ERF: variants seen among roughly 807,000 people sequenced by gnomAD.
The protein encoded by ERF is ETS2 repressor factor, also known as ETS domain-containing transcription factor ERF.
ERF carries 10 observed loss-of-function variants against 41.6 expected under a neutral mutation model. The ratio of observed to expected loss-of-function variants is 0.24; its 90% CI spans 0.15 to 0.41. The LOEUF is 0.41. ERF is among the 10% of genes least tolerant of loss of function. ERF has a pLI of 1.00. For synonymous variants in ERF, 395 were observed against 342.4 expected, an observed-to-expected ratio of 1.15 and a Z score of -1.70; for missense variants, 621 against 763.2, an observed-to-expected ratio of 0.81 and a Z score of 2.19.
chr19:42,251,924 A>C (rs1280650951), intron 1 of ERF, among the ~76,000 whole-genome samples: 2 of 151,950 alleles, frequency 1.3e-5, no homozygotes, highest in African/African-American at 4.8e-5. Context: ...CCATTCAGAT[A>C]TATCCCAGCC....
At position 42,250,322 on chromosome 19, in the gene ERF, C is replaced by T. The variant is rs776587540; in HGVS notation, c.257+9G>A. The T allele has an allele frequency of 1.1e-5, 18 of 1,612,932 alleles. No homozygotes were observed. Among genetic ancestry groups the T allele is most frequent in the Non-Finnish European group, 1.4e-5 (17 of 1,179,398 alleles). On this transcript the variant is annotated intron_variant, in intron 2 of 3. Coordinates refer to ENST00000222329, the MANE Select transcript of ERF (RefSeq NM_006494.4). This position sits in a 1 kb window ranked among gnomAD's most constrained non-coding sequence, Gnocchi z 5.1. ...CACATGTGCTCAGGGGTCCCCAGCC[C>T]GTCCTCACCGCAGGGCCCGGCTCAG... is the stretch of plus-strand genomic sequence containing the variant.
In ERF at chr19:42,250,740, G is replaced by T. The variant is rs958130400; in HGVS notation, c.23-175C>A. ...TGCGTGTCTGTCTGTCTGCATGTGA[G>T]GGGCTAGACAGGAGCTGGGGGGGAG... is the stretch of plus-strand genomic sequence containing the variant. On this transcript the variant is annotated intron_variant, in intron 1 of 3. Coordinates refer to ENST00000222329, the MANE Select transcript of ERF (RefSeq NM_006494.4). The surrounding 1 kb of genome is among the most constrained non-coding windows in gnomAD (Gnocchi z 5.1). Among the ~76,000 whole-genome samples, 1 of 152,246 alleles carries T rather than the reference G, an allele frequency of 6.6e-6. No individual in the cohort carries two copies. Among genetic ancestry groups the T allele is most frequent in the South Asian group, 2.1e-4 (1 of 4,834 alleles).
chr19:42,248,924 T>G lies in ERF; in HGVS notation c.1188A>C (p.Val396=), dbSNP rs757787819. 83 of 1,606,840 alleles carry G rather than the reference T, an allele frequency of 5.2e-5. No homozygotes were observed. In the East Asian group the frequency reaches 1.8e-3, roughly 35 times the overall value. ...TGCCACCGCTCTTGTCAGCACCGGCTACGGCCTTCTCCCCAGCTGCCCGCT... is the reference window on the plus strand; with the variant it reads ...TGCCACCGCTCTTGTCAGCACCGGCGACGGCCTTCTCCCCAGCTGCCCGCT... The part of the protein sequence containing the change: ...RRQRAAGEKA[V]AGADKSGGSA... The change falls in exon 4 of 4, where the codon GTA becomes GTC. Residue 396 remains valine (V), a synonymous_variant. Coordinates refer to ENST00000222329, the MANE Select transcript of ERF (RefSeq NM_006494.4). The surrounding 1 kb of genome is among the most constrained non-coding windows in gnomAD (Gnocchi z 4.2).
rs372627614 is a variant in ERF, at chr19:42,249,557, T to A, written c.555A>T (p.Ser185=). The A allele has an allele frequency of 3.7e-6, 6 of 1,613,422 alleles. No homozygotes were observed. The highest frequency in any genetic ancestry group is 2.7e-5 in the African/African-American group (2 of 74,982). ...AVVARRLGRG[S]VSDCSDGTSE... is the part of the protein sequence containing the mutation. ...ACGTGCCATCACTACAGTCACTGAC[T>A]GAGCCTCGGCCCAGGCGGCGGGCCA... Residue 185 remains serine, a synonymous_variant, in exon 4 of 4, where the codon TCA becomes TCT. Transcript: ENST00000222329. The surrounding 1 kb of genome is among the most constrained non-coding windows in gnomAD (Gnocchi z 8.6).
chr19:42,253,906 G>T, intron 1 of ERF: 1 of 1,066,032 alleles, frequency 9.4e-7, no homozygotes, highest in South Asian at 2.5e-5. Context: ...AAACAAGTTT[G>T]AACAGCGGCG....
Position 42,254,986 on chromosome 19 carries a change from G to A in ERF, c.14C>T (p.Ala5Val). 3 of 1,472,802 alleles carry A rather than the reference G, an allele frequency of 2.0e-6. No homozygotes were observed. The highest frequency in any genetic ancestry group is 2.7e-5 in the East Asian group (1 of 36,780). The allele number at this position is 1,472,802 out of a possible 1,614,324, so 91.2% of individuals were successfully genotyped here. A position where few individuals can be genotyped will look rare whatever the true frequency, so the allele number is the denominator to read the frequency against. Residue 5 changes from alanine to valine, a missense_variant, in exon 1 of 4, where the codon GCG becomes GTG. Transcript: ENST00000222329. MKTP[A>V]DTGFAFPDWA... ...GCTGCCCCCGCCCCCACCTGTGTCC[G>A]CCGGGGTCTTCATGCTGGGGGGCCC...
chr19:42,251,695 C>T (rs2036448744), intron 1 of ERF, among the ~76,000 whole-genome samples: 1 of 152,108 alleles, frequency 6.6e-6, no homozygotes, highest in African/African-American at 2.4e-5. Flanking sequence ...TTGGCCCCAG[C>T]TCAAACAGGT....
Position 42,250,085 on chromosome 19 carries a change from G to A in ERF, c.258-143C>T, listed in dbSNP as rs945037534. Reference sequence around the variant, plus strand: ...AAAAGACAAATCAAGTGCCCAGAGGGTGGGTACCAGCTCTCTCCTCACATC... The same window carrying A: ...AAAAGACAAATCAAGTGCCCAGAGGATGGGTACCAGCTCTCTCCTCACATC... On this transcript the variant is annotated intron_variant, in intron 2 of 3. Coordinates refer to ENST00000222329, the MANE Select transcript of ERF (RefSeq NM_006494.4). The surrounding 1 kb of genome is among the most constrained non-coding windows in gnomAD (Gnocchi z 5.1). 9.9e-5 allele frequency: 85 copies of A among 858,514 alleles called. No homozygotes were observed. The East Asian group carries it at 1.8e-3, about 18-fold the overall frequency. 53.2% of individuals were successfully genotyped at this position (858,514 alleles called of 1,614,324 possible).
At position 42,248,603 on chromosome 19, in the gene ERF, G is replaced by A; in HGVS notation, c.1509C>T (p.Gly503=). 1 of 1,579,646 alleles carries A rather than the reference G, an allele frequency of 6.3e-7. No individual in the cohort carries two copies. Among genetic ancestry groups the A allele is most frequent in the Non-Finnish European group, 8.6e-7 (1 of 1,161,544 alleles). ...TCTTGTCCTCACCCTCATCCTCAAA[G>A]CCCCCAGCGGGGCCCCCACCCCCTT... The part of the protein sequence containing the change: ...RLEGGGGPAG[G]FEDEGEDKKV... The change falls in exon 4 of 4, where the codon GGC becomes GGT. Residue 503 remains glycine (G), a synonymous_variant. Transcript: ENST00000222329. This position sits in a 1 kb window ranked among gnomAD's most constrained non-coding sequence, Gnocchi z 4.2.
rs929737703 is a variant in ERF, at chr19:42,248,400, G to C, written c.*65C>G. The C allele has an allele frequency of 7.2e-7, 1 of 1,380,450 alleles. No homozygotes were observed. The highest frequency in any genetic ancestry group is 9.4e-7 in the Non-Finnish European group (1 of 1,061,690). 85.5% of individuals were successfully genotyped at this position (1,380,450 alleles called of 1,614,324 possible). A position where few individuals can be genotyped will look rare whatever the true frequency, so the allele number is the denominator to read the frequency against. On this transcript the variant is annotated 3_prime_UTR_variant, in exon 4 of 4. Transcript: ENST00000222329. The surrounding 1 kb of genome is among the most constrained non-coding windows in gnomAD (Gnocchi z 4.2). ...GAGCTGCCCTCACCTCCAGGGCATA[G>C]GGGGCTTAAGGCAGCAAAAGAAGCA...
At position 42,249,230 on chromosome 19, in the gene ERF, G is replaced by C; in HGVS notation, c.882C>G (p.Pro294=). 1 of 1,613,268 alleles carries C rather than the reference G, an allele frequency of 6.2e-7. No homozygotes were observed. Among genetic ancestry groups the C allele is most frequent in the Non-Finnish European group, 8.5e-7 (1 of 1,179,662 alleles). ...SPMYPSGGGG[P]SGSGGGSHFS... ...AGTGGGAGCCTCCCCCTGAGCCGCT[G>C]GGCCCCCCGCCACCACTGGGGTACA... Residue 294 remains proline, a synonymous_variant, in exon 4 of 4, where the codon CCC becomes CCG. Coordinates refer to ENST00000222329, the MANE Select transcript of ERF (RefSeq NM_006494.4). This position sits in a 1 kb window ranked among gnomAD's most constrained non-coding sequence, Gnocchi z 8.6.
In ERF at chr19:42,249,918, C is replaced by A. The variant is rs762831348; in HGVS notation, c.282G>T (p.Leu94=). 6.2e-7 allele frequency: 1 copy of A among 1,614,124 alleles called. No homozygotes were observed. The highest frequency in any genetic ancestry group is 1.7e-5 in the Admixed American group (1 of 60,022). ...ALRYYYNKRI[L]HKTKGKRFTY... ...TGAACCGTTTCCCCTTGGTCTTGTGCAGAATGCGCTTGTTATAGTAATAGC... is the reference window on the plus strand; with the variant it reads ...TGAACCGTTTCCCCTTGGTCTTGTGAAGAATGCGCTTGTTATAGTAATAGC... Residue 94 remains leucine, a synonymous_variant, in exon 3 of 4, where the codon CTG becomes CTT. Coordinates refer to ENST00000222329, the MANE Select transcript of ERF (RefSeq NM_006494.4). The surrounding 1 kb of genome is among the most constrained non-coding windows in gnomAD (Gnocchi z 8.6).
rs760204780 is a variant in ERF at position 42,248,611 on chromosome 19, C to T, written c.1501G>A (p.Ala501Thr). ...DCRLEGGGGP[A>T]GGFEDEGEDK... is the part of the protein sequence containing the mutation. ...TCACCCTCATCCTCAAAGCCCCCAG[C>T]GGGGCCCCCACCCCCTTCGAGGCGA... is the stretch of plus-strand genomic sequence containing the variant. The change falls in exon 4 of 4, where the codon GCT becomes ACT. Residue 501 changes from alanine to threonine, a missense_variant. Ala to Thr is a moderately conservative substitution (Grantham distance 58). Around this residue, in one of 3 missense-constraint regions of ERF, gnomAD observed 569 missense variants for 625.5 expected, o/e 0.91. Transcript: ENST00000222329. This position sits in a 1 kb window ranked among gnomAD's most constrained non-coding sequence, Gnocchi z 4.2. 118 of 1,580,324 alleles carry T rather than the reference C, an allele frequency of 7.5e-5. No homozygotes were observed. The highest frequency in any genetic ancestry group is 8.7e-5 in the Non-Finnish European group (101 of 1,161,712).
chr19:42,248,314 A>T lies in ERF; in HGVS notation c.*151T>A. The T allele has an allele frequency of 2.0e-4, 106 of 530,034 alleles. No homozygotes were observed. Among genetic ancestry groups the T allele is most frequent in the Middle Eastern group, 5.7e-4 (1 of 1,768 alleles). 32.8% of individuals were successfully genotyped at this position (530,034 alleles called of 1,614,324 possible). A position where few individuals can be genotyped will look rare whatever the true frequency, so the allele number is the denominator to read the frequency against. On this transcript the variant is annotated 3_prime_UTR_variant, in exon 4 of 4. Coordinates refer to ENST00000222329, the MANE Select transcript of ERF (RefSeq NM_006494.4). This position sits in a 1 kb window ranked among gnomAD's most constrained non-coding sequence, Gnocchi z 4.2. Reference sequence around the variant, plus strand: ...CACCCCCACCATTTTTAAAAAAAAGAAATTAAAGTTTTATACAAAATGTGG... The same window carrying T: ...CACCCCCACCATTTTTAAAAAAAAGTAATTAAAGTTTTATACAAAATGTGG...
intron 1 of ERF, among the ~76,000 whole-genome samples, chr19:42,253,664 C>G (rs998474418): frequency 6.6e-6 from 1 of 151,994 alleles, no homozygotes; most frequent in African/African-American, 2.4e-5. Flanking sequence ...CTCCGCACCC[C>G]GGCCCCACCC....
At position 42,250,270 on chromosome 19, in the gene ERF, G is replaced by A; in HGVS notation, c.257+61C>T. 6.4e-7 allele frequency: 1 copy of A among 1,565,826 alleles called. No individual in the cohort carries two copies. The highest frequency in any genetic ancestry group is 1.7e-5 in the Admixed American group (1 of 58,140). On this transcript the variant is annotated intron_variant, in intron 2 of 3. Transcript: ENST00000222329. The surrounding 1 kb of genome is among the most constrained non-coding windows in gnomAD (Gnocchi z 5.1). ...CCCAATGCTTGTTCCCACAGGCAAG[G>A]GGCTGTGCAACCCCGGGGGGGCACT...
intron 1 of ERF, among the ~76,000 whole-genome samples, chr19:42,252,037 C>T (rs2036453278): frequency 6.6e-6 from 1 of 152,180 alleles, no homozygotes; most frequent in African/African-American, 2.4e-5. Flanking sequence ...TTGACAACCC[C>T]TTCCAGAGAC....
At position 42,248,655 on chromosome 19, in the gene ERF, C is replaced by T. The variant is rs1354585974; in HGVS notation, c.1457G>A (p.Arg486Gln). 4 of 1,601,406 alleles carry T rather than the reference C, an allele frequency of 2.5e-6. No individual in the cohort carries two copies. The highest frequency in any genetic ancestry group is 1.3e-5 in the African/African-American group (1 of 74,658). Residue 486 changes from arginine (R) to glutamine (Q), a missense_variant, in exon 4 of 4, where the codon CGG becomes CAG. Arg to Gln is a conservative substitution (Grantham distance 43). Around this residue, in one of 3 missense-constraint regions of ERF, gnomAD observed 569 missense variants for 625.5 expected, o/e 0.91. Transcript: ENST00000222329. The surrounding 1 kb of genome is among the most constrained non-coding windows in gnomAD (Gnocchi z 4.2). ...GAGGCGACAGTCTTCACTCCAGCGC[C>T]GCTTAAAGCGTAGCTTGAGGGGCAT... ...QCMPLKLRFK[R>Q]RWSEDCRLEG... is the part of the protein sequence containing the mutation.
chr19:42,252,979 C>G (rs149974155), intron 1 of ERF, among the ~76,000 whole-genome samples: 1 of 151,954 alleles, frequency 6.6e-6, no homozygotes, highest in East Asian at 1.9e-4. Context: ...CAGGAGACTG[C>G]GAGACAGAGT....
Sources: allele counts gnomAD v4.1 joint callset (sites outside exome capture counted in the v4.1 genomes callset), GRCh38; gene constraint gnomAD v4.1.1; regional missense constraint gnomAD v4.1.1; non-coding constraint Gnocchi (gnomAD v3.1); transcripts MANE v1.5; gene names NCBI Gene and HGNC (gene_info 2026-07-23, HGNC 2026-07-21).